Variants in CACNA1G observed in about 807,000 individuals in gnomAD.
The protein encoded by CACNA1G is calcium voltage-gated channel subunit alpha1 G.
A neutral mutation model predicts 219.4 loss-of-function variants in CACNA1G; 67 were observed. The ratio of observed to expected loss-of-function variants is 0.31; its 90% CI spans 0.25 to 0.37. The LOEUF (loss-of-function observed/expected upper bound fraction) is 0.37, where lower values mean the gene tolerates loss of function less well. Ranked by LOEUF, CACNA1G falls within the 10% of genes least tolerant of loss-of-function variation. The pLI is 1.00. For synonymous variants in CACNA1G, 1,296 were observed against 1,345.3 expected, an observed-to-expected ratio of 0.96 and a Z score of 0.80; for missense variants, 2,380 against 3,231.4, an observed-to-expected ratio of 0.74 and a Z score of 6.39.
At chr17:50,624,697 G>A (rs942871992) in intron 37 of CACNA1G, among the ~76,000 whole-genome samples, 168 bp downstream of exon 37, 1 of 152,246 alleles carries the variant, frequency 6.6e-6, no homozygotes, top group East Asian at 1.9e-4. Flanking sequence ...AAGCAGAAGT[G>A]GTCTGTGCCT....
intron 24 of CACNA1G, 52 bp downstream of exon 24, chr17:50,607,041 G>A: frequency 1.4e-6 from 2 of 1,381,404 alleles, no homozygotes; most frequent in Non-Finnish European, 2.1e-6. Context: ...ACTCAGCATG[G>A]GCTGATTCCA....
chr17:50,626,580 T>C lies in CACNA1G; in HGVS notation c.6963T>C (p.Pro2321=). 1.6e-5 allele frequency: 26 copies of C among 1,603,214 alleles called. No homozygotes were observed. Among genetic ancestry groups the C allele is most frequent in the Non-Finnish European group, 2.1e-5 (25 of 1,175,766 alleles). Residue 2321 remains proline, a synonymous_variant, in exon 38 of 38, where the codon CCT becomes CCC. Coordinates refer to ENST00000359106, the MANE Select transcript of CACNA1G (RefSeq NM_018896.5). The surrounding 1 kb of genome is among the most constrained non-coding windows in gnomAD (Gnocchi z 4.3). ...ITIDPPESQG[P]RTPPSPGICL... ...TAGACCCCCCCGAGAGCCAAGGTCC[T>C]CGGACCCCGCCCAGCCCTGGTATCT...
chr17:50,608,109 G>T lies in CACNA1G; in HGVS notation c.4705+90G>T, dbSNP rs758710017. The T allele has an allele frequency of 4.1e-6, 5 of 1,226,424 alleles. No homozygotes were observed. The South Asian group carries it at 4.4e-5, about 11-fold the overall frequency. 76.0% of individuals were successfully genotyped at this position (1,226,424 alleles called of 1,614,324 possible). A position where few individuals can be genotyped will look rare whatever the true frequency, so the allele number is the denominator to read the frequency against. ...GCCTTGCGACTGCAGGGGGCTGGGC[G>T]CTGGGGCCGGGGGCAGGGAGAAGAG... On this transcript the variant is annotated intron_variant, in intron 25 of 37. Transcript: ENST00000359106.
intron 13 of CACNA1G, among the ~76,000 whole-genome samples, chr17:50,592,449 G>A (rs1398807871): frequency 1.3e-5 from 2 of 152,146 alleles, no homozygotes; most frequent in South Asian, 4.1e-4. Context: ...ACCCGGAGAG[G>A]ACCCCTCTGA....
intron 19 of CACNA1G, 120 bp from the exon 20 acceptor site, chr17:50,602,700 G>A: frequency 2.5e-6 from 2 of 792,834 alleles, no homozygotes; most frequent in South Asian, 1.5e-5. Context: ...TGTTGTGGAG[G>A]GTGGGGGTCG....
chr17:50,568,390 G>T (rs941562455), intron 1 of CACNA1G, among the ~76,000 whole-genome samples: 1 of 152,220 alleles, frequency 6.6e-6, no homozygotes, highest in Non-Finnish European at 1.5e-5. Flanking sequence ...GGGCTGTTGT[G>T]AGCATCAACT....
At chr17:50,625,535 AG>A (rs1474272814) in intron 37 of CACNA1G, among the ~76,000 whole-genome samples, 1 of 152,226 alleles carries the variant, frequency 6.6e-6, no homozygotes, top group Non-Finnish European at 1.5e-5. Flanking sequence ...GCAGGGACAC[AG>A]AAGGGGAAGG....
At chr17:50,619,536 G>A in intron 33 of CACNA1G, 147 bp from the exon 34 acceptor site, 1 of 523,116 alleles carries the variant, frequency 1.9e-6, no homozygotes, top group Non-Finnish European at 3.3e-6. Context: ...GTTTTTGTGT[G>A]TGTGCACATG....
chr17:50,594,180 G>C (rs972955644), intron 13 of CACNA1G, among the ~76,000 whole-genome samples: 12 of 152,232 alleles, frequency 7.9e-5, no homozygotes, highest in Non-Finnish European at 1.8e-4. Flanking sequence ...CAGCCTGCTT[G>C]GCTGGTGATT....
At chr17:50,579,817 T>C (rs1380808032) in intron 9 of CACNA1G, among the ~76,000 whole-genome samples, 1 of 151,964 alleles carries the variant, frequency 6.6e-6, no homozygotes, top group Non-Finnish European at 1.5e-5. Context: ...GAAAGGGGCA[T>C]CTCAAAAAGG....
chr17:50,607,628 T>G (rs2048215035), intron 24 of CACNA1G, 199 bp from the exon 25 acceptor site: 1 of 563,520 alleles, frequency 1.8e-6, no homozygotes, highest in African/African-American at 1.9e-5. Context: ...GAGGCAGTTT[T>G]GGATGGAGAA....
At position 50,618,583 on chromosome 17, in the gene CACNA1G, G is replaced by A. The variant is rs2051058895; in HGVS notation, c.5428-72G>A. 6 of 1,237,240 alleles carry A rather than the reference G, an allele frequency of 4.8e-6. No individual in the cohort carries two copies. The Admixed American group carries it at 7.7e-5, about 16-fold the overall frequency. The allele number at this position is 1,237,240 out of a possible 1,614,324, so 76.6% of individuals were successfully genotyped here. ...CATCCTCCAATGCTCTGTGACACCA[G>A]TGACCTGATTTTCCACAACAGCTCC... On this transcript the variant is annotated intron_variant, in intron 32 of 37. Coordinates refer to ENST00000359106, the MANE Select transcript of CACNA1G (RefSeq NM_018896.5). This position sits in a 1 kb window ranked among gnomAD's most constrained non-coding sequence, Gnocchi z 5.3.
At position 50,576,248 on chromosome 17, in the gene CACNA1G, C is replaced by A; in HGVS notation, c.1846C>A (p.Pro616Thr). ...AGTAGAGGTGGCTGCCAGCTCTGGG[C>A]CCCCAACCCTCACCAGCCTCAACAT... ...ALVEVAASSG[P>T]PTLTSLNIPP... The change falls in exon 8 of 38, where the codon CCC becomes ACC. Residue 616 changes from proline (P) to threonine (T), a missense_variant. Pro to Thr is a conservative substitution (Grantham distance 38). Around this residue, in one of 17 missense-constraint regions of CACNA1G, gnomAD observed 434 missense variants for 417.3 expected, o/e 1.04. Coordinates refer to ENST00000359106, the MANE Select transcript of CACNA1G (RefSeq NM_018896.5). 1 of 1,596,978 alleles carries A rather than the reference C, an allele frequency of 6.3e-7. No individual in the cohort carries two copies. Among genetic ancestry groups the A allele is most frequent in the Non-Finnish European group, 8.5e-7 (1 of 1,172,678 alleles).
intron 26 of CACNA1G, among the ~76,000 whole-genome samples, chr17:50,612,165 G>A (rs1452424644): frequency 6.6e-6 from 1 of 152,248 alleles, no homozygotes; most frequent in Non-Finnish European, 1.5e-5. Flanking sequence ...CAGCAGTGCA[G>A]ATGCACTGAT....
chr17:50,590,154 G>T (rs796113181), intron 9 of CACNA1G, among the ~76,000 whole-genome samples: 2 of 152,264 alleles, frequency 1.3e-5, no homozygotes, highest in South Asian at 4.1e-4. Context: ...AGGTCAAGAT[G>T]GGCCATGCAG....
At chr17:50,592,580 C>T (rs908569045) in intron 13 of CACNA1G, among the ~76,000 whole-genome samples, 31 of 152,226 alleles carry the variant, frequency 2.0e-4, no homozygotes, top group African/African-American at 6.0e-4. Flanking sequence ...CAATTAGCTA[C>T]GGGCATGGCA....
intron 7 of CACNA1G, chr17:50,573,575 T>G (rs1222044290): frequency 1.3e-5 from 2 of 154,694 alleles, no homozygotes; most frequent in Non-Finnish European, 2.9e-5. Flanking sequence ...TGTTTTTTTG[T>G]AAGGACAAGG....
At chr17:50,612,293 G>A (rs1042909942) in intron 26 of CACNA1G, among the ~76,000 whole-genome samples, 8 of 152,372 alleles carry the variant, frequency 5.3e-5, no homozygotes, top group East Asian at 3.9e-4. Context: ...CAGCAGGGGC[G>A]GGAGAGCCAG....
chr17:50,624,629 T>C, intron 37 of CACNA1G, 100 bp downstream of exon 37: 2 of 1,198,292 alleles, frequency 1.7e-6, no homozygotes, highest in Non-Finnish European at 2.3e-6. Context: ...CAAATATTTA[T>C]TGTGTGCCAG....
Sources: gnomAD v4.1 joint callset for allele counts (sites outside exome capture counted in the v4.1 genomes callset) on GRCh38, gnomAD v4.1.1 for gene constraint, gnomAD v4.1.1 regional missense constraint, Gnocchi (gnomAD v3.1) non-coding constraint, MANE v1.5 for transcripts, NCBI Gene and HGNC (gene_info 2026-07-23, HGNC 2026-07-21) for gene names.